Variants in LRP1B observed in about 807,000 individuals in gnomAD.
The protein encoded by LRP1B is low-density lipoprotein receptor-related protein 1B.
A neutral mutation model predicts 556.6 loss-of-function variants in LRP1B; 217 were observed. The observed-to-expected ratio is 0.39, with a 90% CI of 0.35 to 0.44. The LOEUF is 0.44. Among genes scored for constraint, LRP1B ranks in the 20% least tolerant of loss-of-function variants. The pLI is 1.00. For synonymous variants in LRP1B, 2,047 were observed against 1,865.8 expected (o/e 1.10, Z -2.50); for missense variants, 5,053 against 5,620.8 (o/e 0.90, Z 3.23).
intron 79 of LRP1B, among the ~76,000 whole-genome samples, chr2:140,327,363 T>G (rs1055927013): frequency 3.3e-5 from 5 of 152,112 alleles, no homozygotes; most frequent in Non-Finnish European, 5.9e-5. Context: ...TCAAGTAATG[T>G]ATAGAGATGT....
At chr2:141,155,410 A>G (rs780548053) in intron 7 of LRP1B, among the ~76,000 whole-genome samples, 1 of 151,470 alleles carries the variant, frequency 6.6e-6, no homozygotes, top group African/African-American at 2.4e-5. Context: ...GAAATATACT[A>G]TTTTTCTGGA....
intron 43 of LRP1B, among the ~76,000 whole-genome samples, chr2:140,548,780 C>T (rs34300558): frequency 0.34 from 51,757 of 151,546 alleles, 9,752 homozygotes; most frequent in South Asian, 0.45. Flanking sequence ...AAAAAATTAG[C>T]CGGGCATGGT....
chr2:142,017,716 T>C (rs570308998), intron 1 of LRP1B, among the ~76,000 whole-genome samples: 1 of 152,096 alleles, frequency 6.6e-6, no homozygotes, highest in East Asian at 1.9e-4. Context: ...TGGGACCCTG[T>C]CTCTATAAAA....
chr2:141,851,455 C>T (rs968227804), intron 1 of LRP1B, among the ~76,000 whole-genome samples: 2 of 151,716 alleles, frequency 1.3e-5, no homozygotes, highest in Non-Finnish European at 2.9e-5. Context: ...TTTTATTAGG[C>T]TTTATTCTAT....
chr2:141,480,898 G>T (rs987745255), intron 2 of LRP1B, among the ~76,000 whole-genome samples: 3 of 152,128 alleles, frequency 2.0e-5, no homozygotes, highest in Non-Finnish European at 2.9e-5. Flanking sequence ...TTCCTCAGCT[G>T]TAAACTATGG....
intron 7 of LRP1B, among the ~76,000 whole-genome samples, chr2:141,072,362 T>C (rs1235099738): frequency 1.3e-5 from 2 of 152,066 alleles, no homozygotes; most frequent in Non-Finnish European, 2.9e-5. Context: ...CCACTCTAAA[T>C]CAAGGAAGTC....
At chr2:141,977,492 A>T (rs187596245) in intron 1 of LRP1B, among the ~76,000 whole-genome samples, 1 of 152,004 alleles carries the variant, frequency 6.6e-6, no homozygotes, top group African/African-American at 2.4e-5. Context: ...AACCCAGGAG[A>T]CAGAGGTTGC....
At chr2:141,877,697 A>G (rs1192052859) in intron 1 of LRP1B, among the ~76,000 whole-genome samples, 1 of 151,996 alleles carries the variant, frequency 6.6e-6, no homozygotes. Context: ...GTAATACTCA[A>G]ACTGATGTAT....
chr2:140,626,544 G>A (rs748673000), intron 41 of LRP1B, among the ~76,000 whole-genome samples: 1 of 151,816 alleles, frequency 6.6e-6, no homozygotes, highest in Non-Finnish European at 1.5e-5. Context: ...ATAAAATCTA[G>A]TAACAATAAA....
intron 2 of LRP1B, among the ~76,000 whole-genome samples, chr2:141,679,643 C>A (rs921387386): frequency 1.3e-5 from 2 of 152,134 alleles, no homozygotes; most frequent in East Asian, 1.9e-4. Context: ...AATAAGCATG[C>A]ACATTGAGGG....
intron 7 of LRP1B, among the ~76,000 whole-genome samples, chr2:141,173,238 T>C (rs1680586206): frequency 6.6e-6 from 1 of 152,028 alleles, no homozygotes; most frequent in Non-Finnish European, 1.5e-5. Context: ...AAAATATCCA[T>C]TAGGAAGAAT....
At chr2:141,322,806 A>G (rs191196939) in intron 3 of LRP1B, among the ~76,000 whole-genome samples, 1 of 152,178 alleles carries the variant, frequency 6.6e-6, no homozygotes, top group East Asian at 1.9e-4. Flanking sequence ...TTAAATTTAA[A>G]TCAGCTATTG....
At chr2:141,834,370 TAAACTC>T (rs1170264600) in intron 1 of LRP1B, among the ~76,000 whole-genome samples, 1 of 151,758 alleles carries the variant, frequency 6.6e-6, no homozygotes, top group Non-Finnish European at 1.5e-5. Context: ...GAAGAGACCC[TAAACTC>T]AAACTGTGAA....
chr2:141,885,745 A>C (rs748692439), intron 1 of LRP1B, among the ~76,000 whole-genome samples: 2 of 152,216 alleles, frequency 1.3e-5, no homozygotes, highest in African/African-American at 4.8e-5. Context: ...CATTTTCTCA[A>C]TGTATTCTAC....
intron 33 of LRP1B, among the ~76,000 whole-genome samples, chr2:140,772,069 T>G (rs1226189810): frequency 6.6e-6 from 1 of 152,214 alleles, no homozygotes; most frequent in Non-Finnish European, 1.5e-5. Flanking sequence ...CCACATTCGC[T>G]GCTCATGTCC....
intron 52 of LRP1B, 28 bp downstream of exon 52, chr2:140,509,900 G>T (rs528929556): frequency 1.3e-6 from 2 of 1,592,998 alleles, no homozygotes; most frequent in South Asian, 2.3e-5. Flanking sequence ...AGTTTTCTTT[G>T]ACATGCAGCC....
intron 3 of LRP1B, among the ~76,000 whole-genome samples, chr2:141,459,781 T>A (rs1406293449): frequency 6.6e-6 from 1 of 152,210 alleles, no homozygotes; most frequent in East Asian, 1.9e-4. Context: ...CACATGGAAC[T>A]GTGAGTCCAT....
At chr2:141,959,921 C>T (rs190221741) in intron 1 of LRP1B, among the ~76,000 whole-genome samples, 54 of 151,962 alleles carry the variant, frequency 3.6e-4, no homozygotes, top group Middle Eastern at 3.4e-3. Flanking sequence ...TAGTCATCAA[C>T]TATATTCAAG....
intron 20 of LRP1B, 35 bp downstream of exon 20, chr2:140,950,199 TA>T (rs2105299439): frequency 6.9e-7 from 1 of 1,447,264 alleles, no homozygotes; most frequent in Non-Finnish European, 9.2e-7. Flanking sequence ...CATCAACTTT[TA>T]AAATGAGATT....
Sources: gnomAD v4.1 joint callset for allele counts (sites outside exome capture counted in the v4.1 genomes callset) on GRCh38, gnomAD v4.1.1 for gene constraint, MANE v1.5 for transcripts, NCBI Gene and HGNC (gene_info 2026-07-23, HGNC 2026-07-21) for gene names.